ATAD2B: variants seen among roughly 807,000 people sequenced by gnomAD.
ATAD2B encodes ATPase family AAA domain containing 2B, also known as ATPase family AAA domain-containing protein 2B.
ATAD2B carries 40 observed loss-of-function variants against 167.6 expected under a neutral mutation model. That is an observed-to-expected ratio of 0.24 (90% CI 0.19 to 0.31). The LOEUF (loss-of-function observed/expected upper bound fraction) is 0.31. Ranked by LOEUF, ATAD2B falls within the 10% of genes least tolerant of loss-of-function variation. The pLI, the probability that ATAD2B is intolerant of heterozygous loss-of-function variation, is 1.00. For synonymous variants in ATAD2B, 579 were observed against 596.5 expected, an observed-to-expected ratio of 0.97 and a Z score of 0.43; for missense variants, 1,242 against 1,757.2, an observed-to-expected ratio of 0.71 and a Z score of 5.24.
Position 23,926,919 on chromosome 2 carries a change from G to C in ATAD2B, c.-149C>G. 1.0e-6 allele frequency: 1 copy of C among 975,106 alleles called. No homozygotes were observed. The allele number at this position is 975,106 out of a possible 1,614,324, so 60.4% of individuals were successfully genotyped here. On this transcript the variant is annotated 5_prime_UTR_variant, in exon 1 of 28. Coordinates refer to ENST00000238789, the MANE Select transcript of ATAD2B (RefSeq NM_017552.4). ...GTGCGGAGCGCAGACGAGCACAAGA[G>C]AGAGCCGGGCAGAGGAAGGGAAGTC...
chr2:23,754,592 A>G, intron 26 of ATAD2B, 55 bp downstream of exon 26: 2 of 1,584,918 alleles, frequency 1.3e-6, no homozygotes, highest in Admixed American at 1.8e-5. Context: ...GCCTACAAAC[A>G]CATTCAAATC....
rs527436849 is a variant in ATAD2B at position 23,751,690 on chromosome 2, G to C, written c.*356C>G. The C allele has an allele frequency of 7.9e-5, 20 of 253,412 alleles. No homozygotes were observed. The South Asian group carries it at 1.3e-3, about 16-fold the overall frequency. 15.7% of individuals were successfully genotyped at this position (253,412 alleles called of 1,614,324 possible). On this transcript the variant is annotated 3_prime_UTR_variant, in exon 28 of 28. Coordinates refer to ENST00000238789, the MANE Select transcript of ATAD2B (RefSeq NM_017552.4). ...ACACAGTTAGAACTGCCCCCATCCA[G>C]TTTCCTCCTGTTTGCTGGTCTGCTC... is the stretch of plus-strand genomic sequence containing the variant.
intron 22 of ATAD2B, among the ~76,000 whole-genome samples, chr2:23,779,119 G>C (rs182025781): frequency 1.7e-4 from 26 of 150,840 alleles, no homozygotes; most frequent in African/African-American, 6.1e-4. Context: ...ACCAAAAATT[G>C]CTATAGTGGC....
At chr2:23,712,172 T>G in the ATAD2B span, among the ~76,000 whole-genome samples, 1 of 152,120 alleles carries the variant, frequency 6.6e-6, no homozygotes, top group Non-Finnish European at 1.5e-5. Flanking sequence ...TCAGTGAGAC[T>G]CCAGGAGCTC....
In ATAD2B at chr2:23,785,167, G is replaced by C. The variant is rs17045907; in HGVS notation, c.2973+860C>G. Among the ~76,000 whole-genome samples, 526 of 152,044 alleles carry C rather than the reference G, an allele frequency of 3.5e-3. 4 individuals carry two copies. Among genetic ancestry groups the C allele is most frequent in the African/African-American group, 0.012 (511 of 41,484 alleles). ...AACAGATGAGGTAATGGTTTCAAAG[G>C]TATCTGCTCAGGTCCAAAAGCACAG... On this transcript the variant is annotated intron_variant, in intron 21 of 27. Transcript: ENST00000238789.
chr2:23,773,554 G>C (rs1177169089), intron 22 of ATAD2B, among the ~76,000 whole-genome samples: 13 of 152,110 alleles, frequency 8.5e-5, no homozygotes, highest in Admixed American at 1.3e-4. Context: ...AATAAAAGTT[G>C]AAAACTGCAC....
chr2:23,707,926 G>A, the ATAD2B span: 1 of 152,254 alleles, frequency 6.6e-6, no homozygotes. Flanking sequence ...AAAGGGAAAG[G>A]CCTTCCCACT....
the ATAD2B span, among the ~76,000 whole-genome samples, chr2:23,709,927 GT>G: frequency 6.6e-6 from 1 of 152,194 alleles, no homozygotes; most frequent in Non-Finnish European, 1.5e-5. Context: ...AAGAGTCTGT[GT>G]ATTTCAGACT....
At chr2:23,765,197 C>T (rs967186447) in intron 23 of ATAD2B, among the ~76,000 whole-genome samples, 1 of 152,132 alleles carries the variant, frequency 6.6e-6, no homozygotes, top group African/African-American at 2.4e-5. Context: ...AAAAATAAAA[C>T]CTTTTCATAT....
intron 13 of ATAD2B, among the ~76,000 whole-genome samples, chr2:23,853,060 ACT>A: frequency 6.6e-6 from 1 of 152,308 alleles, no homozygotes; most frequent in South Asian, 2.1e-4. Context: ...AGTAAAATAA[ACT>A]CTCACAGCAA....
chr2:23,887,804 G>A (rs767250303), intron 4 of ATAD2B, 28 bp downstream of exon 4: 1 of 1,507,690 alleles, frequency 6.6e-7, no homozygotes, highest in Non-Finnish European at 8.8e-7. Flanking sequence ...ATAATTAAAT[G>A]AAACTGCTTA....
chr2:23,759,759 G>C (rs1676420643), intron 24 of ATAD2B, among the ~76,000 whole-genome samples: 2 of 152,130 alleles, frequency 1.3e-5, no homozygotes, highest in African/African-American at 4.8e-5. Context: ...GCATAGAGAA[G>C]AAAATTTCTG....
chr2:23,819,435 G>A (rs1687099177), intron 17 of ATAD2B, among the ~76,000 whole-genome samples: 1 of 150,434 alleles, frequency 6.6e-6, no homozygotes, highest in African/African-American at 2.5e-5. Context: ...AGGTTGCAGT[G>A]AGCCAAGATC....
chr2:23,704,379 C>G, the ATAD2B span, among the ~76,000 whole-genome samples: 1 of 152,200 alleles, frequency 6.6e-6, no homozygotes, highest in African/African-American at 2.4e-5. Flanking sequence ...GAGTGTGGCT[C>G]GGTCCCCAGG....
intron 7 of ATAD2B, among the ~76,000 whole-genome samples, chr2:23,877,832 T>C (rs1697142603): frequency 6.7e-6 from 1 of 150,142 alleles, no homozygotes; most frequent in African/African-American, 2.4e-5. Flanking sequence ...CACTCCAGCC[T>C]GGGTGACAGA....
chr2:23,866,883 C>G (rs184547581), intron 10 of ATAD2B, among the ~76,000 whole-genome samples: 1 of 152,200 alleles, frequency 6.6e-6, no homozygotes, highest in East Asian at 1.9e-4. Flanking sequence ...TATGCAGTAA[C>G]CTTATTCCAA....
At chr2:23,894,593 A>C (rs191751032) in intron 2 of ATAD2B, among the ~76,000 whole-genome samples, 2 of 152,196 alleles carry the variant, frequency 1.3e-5, no homozygotes, top group East Asian at 1.9e-4. Flanking sequence ...ATCATCTTAA[A>C]AGCCCAATTT....
chr2:23,874,149 T>C (rs1387611070), intron 8 of ATAD2B, among the ~76,000 whole-genome samples: 1 of 151,308 alleles, frequency 6.6e-6, no homozygotes, highest in Non-Finnish European at 1.5e-5. Flanking sequence ...ATCACGTCAC[T>C]GCACTCCAGC....
Position 23,754,247 on chromosome 2 carries a change from A to G in ATAD2B, c.4267T>C (p.Leu1423=), listed in dbSNP as rs1162439971. ...ATACACTGACTAAGAAGAGAATATAATCTCTCAAGCTGATCAACTGCCAGA... is the reference window on the plus strand; with the variant it reads ...ATACACTGACTAAGAAGAGAATATAGTCTCTCAAGCTGATCAACTGCCAGA... ...NNLAVDQLER[L]YSLLSQCIYR... The change falls in exon 27 of 28, where the codon TTA becomes CTA. Residue 1423 remains leucine, a synonymous_variant. Coordinates refer to ENST00000238789, the MANE Select transcript of ATAD2B (RefSeq NM_017552.4). The G allele has an allele frequency of 2.6e-6, 4 of 1,564,314 alleles. No homozygotes were observed. The highest frequency in any genetic ancestry group is 3.5e-6 in the Non-Finnish European group (4 of 1,152,576).
Sources: allele counts gnomAD v4.1 joint callset (sites outside exome capture counted in the v4.1 genomes callset), GRCh38; gene constraint gnomAD v4.1.1; transcripts MANE v1.5; gene names NCBI Gene and HGNC (gene_info 2026-07-23, HGNC 2026-07-21).